CSMD1: variants seen among roughly 807,000 people sequenced by gnomAD.
CSMD1 encodes the protein CUB and sushi domain-containing protein 1.
A neutral mutation model predicts 417.5 loss-of-function variants in CSMD1; 213 were observed. The observed-to-expected ratio is 0.51, with a 90% CI of 0.46 to 0.57. The LOEUF is 0.57. Among genes scored for constraint, CSMD1 ranks in the 20% least tolerant of loss-of-function variants. The probability of loss-of-function intolerance (pLI) is 0.00; values close to 1 mark genes in which losing one functional copy is unlikely to be tolerated. For missense variants in CSMD1, 6,923 were observed against 4,529.7 expected, an observed-to-expected ratio of 1.53 and a Z score of -15.17; for synonymous variants, 2,862 against 1,736.8, an observed-to-expected ratio of 1.65 and a Z score of -16.11.
chr8:3,996,746 C>G (rs1815254141), intron 5 of CSMD1, among the ~76,000 whole-genome samples: 1 of 152,074 alleles, frequency 6.6e-6, no homozygotes, highest in African/African-American at 2.4e-5. Flanking sequence ...TTGGTTTCTT[C>G]CTCCCTCCTA....
chr8:4,528,245 C>G (rs1454310743), intron 2 of CSMD1, among the ~76,000 whole-genome samples: 1 of 152,160 alleles, frequency 6.6e-6, no homozygotes, highest in Non-Finnish European at 1.5e-5. Flanking sequence ...AATATCTAGA[C>G]AGGAGTAGCC....
At chr8:3,896,510 A>G (rs1807376548) in intron 5 of CSMD1, among the ~76,000 whole-genome samples, 1 of 151,684 alleles carries the variant, frequency 6.6e-6, no homozygotes, top group African/African-American at 2.4e-5. Flanking sequence ...TATTACTATT[A>G]TTATTATTAT....
intron 1 of CSMD1, among the ~76,000 whole-genome samples, chr8:4,934,479 T>G (rs570576790): frequency 6.6e-6 from 1 of 152,178 alleles, no homozygotes; most frequent in African/African-American, 2.4e-5. Flanking sequence ...CACTGAGTTA[T>G]AGAAAATACG....
At chr8:3,852,113 T>A (rs754671487) in intron 5 of CSMD1, among the ~76,000 whole-genome samples, 2 of 152,050 alleles carry the variant, frequency 1.3e-5, no homozygotes, top group African/African-American at 2.4e-5. Context: ...GAGGCTCAGG[T>A]TGTTGCAAAA....
intron 5 of CSMD1, among the ~76,000 whole-genome samples, chr8:3,939,969 C>T (rs370300340): frequency 3.3e-5 from 5 of 151,904 alleles, no homozygotes; most frequent in Admixed American, 2.6e-4. Flanking sequence ...AAAGAACTTA[C>T]CCATGTAACC....
rs79457817 is a variant in CSMD1 at position 4,896,087 on chromosome 8, C to G, written c.85+98245G>C. Among the ~76,000 whole-genome samples the G allele has an allele frequency of 7.3e-3, 1,117 of 152,166 alleles. 16 individuals carry two copies. Among genetic ancestry groups the G allele is most frequent in the African/African-American group, 0.026 (1,072 of 41,472 alleles). On this transcript the variant is annotated intron_variant, in intron 1 of 69. Coordinates refer to ENST00000635120, the MANE Select transcript of CSMD1 (RefSeq NM_033225.6). ...GCACTATTTAGAGGCCTTCCTCTGT[C>G]TGAAAATTTTTTTCTGCCTTCTGAA... is the stretch of plus-strand genomic sequence containing the variant.
chr8:3,103,034 A>C (rs1815871457), intron 46 of CSMD1, among the ~76,000 whole-genome samples: 1 of 152,170 alleles, frequency 6.6e-6, no homozygotes, highest in Non-Finnish European at 1.5e-5. Flanking sequence ...TCACCCCAGC[A>C]CCTGGACCCA....
In CSMD1 at chr8:2,935,435, C is replaced by G. The variant is rs1345686016; in HGVS notation, c.*3150G>C. 6.6e-6 allele frequency: 1 copy of G among 152,042 alleles called. No homozygotes were observed. Among genetic ancestry groups the G allele is most frequent in the Non-Finnish European group, 1.5e-5 (1 of 68,012 alleles). 9.4% of individuals were successfully genotyped at this position (152,042 alleles called of 1,614,324 possible). On this transcript the variant is annotated 3_prime_UTR_variant, in exon 70 of 70. Transcript: ENST00000635120. The stretch of plus-strand genomic sequence containing the variant: ...CATTGCACAGGCTATATTACACCCT[C>G]TTTATAATTTTTTTGACAAAAAAAA...
Position 3,106,479 on chromosome 8 carries a change from T to G in CSMD1, c.6949+49A>C. On this transcript the variant is annotated intron_variant, in intron 46 of 69. Coordinates refer to ENST00000635120, the MANE Select transcript of CSMD1 (RefSeq NM_033225.6). ...TGCAGACCAATACAAACAATACAAT[T>G]TTCCATGTTGAATAAGTTTATGTAG... 2.6e-6 allele frequency: 3 copies of G among 1,137,288 alleles called. No individual in the cohort carries two copies. In the South Asian group the frequency reaches 4.1e-5, roughly 16 times the overall value. The allele number at this position is 1,137,288 out of a possible 1,614,324, so 70.4% of individuals were successfully genotyped here. A position where few individuals can be genotyped will look rare whatever the true frequency, so the allele number is the denominator to read the frequency against.
intron 10 of CSMD1, among the ~76,000 whole-genome samples, chr8:3,536,266 T>G (rs1157498336): frequency 6.6e-6 from 1 of 152,234 alleles, no homozygotes; most frequent in African/African-American, 2.4e-5. Context: ...AATAAGTTTG[T>G]GTGTATGACA....
chr8:4,616,889 C>T (rs892765623), intron 2 of CSMD1, among the ~76,000 whole-genome samples: 1 of 152,116 alleles, frequency 6.6e-6, no homozygotes, highest in Admixed American at 6.6e-5. Flanking sequence ...GTTTGTTTTA[C>T]TCTTGCATTG....
chr8:3,667,389 G>C (rs1205662639), intron 7 of CSMD1, among the ~76,000 whole-genome samples: 1 of 152,140 alleles, frequency 6.6e-6, no homozygotes, highest in Non-Finnish European at 1.5e-5. Flanking sequence ...TCTCGGAGGA[G>C]TGAAAATTGA....
At chr8:4,221,943 A>G (rs1311464630) in intron 3 of CSMD1, among the ~76,000 whole-genome samples, 1 of 152,136 alleles carries the variant, frequency 6.6e-6, no homozygotes, top group East Asian at 1.9e-4. Context: ...AACCAGTAAC[A>G]ACACTGTCCA....
At chr8:4,396,871 G>T (rs1013244852) in intron 3 of CSMD1, among the ~76,000 whole-genome samples, 1 of 151,990 alleles carries the variant, frequency 6.6e-6, no homozygotes, top group Non-Finnish European at 1.5e-5. Context: ...CAACTTTCAG[G>T]ACTAGGGGGA....
At chr8:3,349,801 A>ATATG (rs200060737) in intron 21 of CSMD1, among the ~76,000 whole-genome samples, 3 of 142,714 alleles carry the variant, frequency 2.1e-5, no homozygotes, top group Non-Finnish European at 4.5e-5. Context: ...ATATCTATAA[A>ATATG]TAGATATAAA....
chr8:3,112,384 G>A (rs538943329), intron 42 of CSMD1, among the ~76,000 whole-genome samples: 2 of 152,074 alleles, frequency 1.3e-5, no homozygotes, highest in African/African-American at 4.8e-5. Flanking sequence ...ATATATAGTA[G>A]CACCCTTCCT....
intron 10 of CSMD1, among the ~76,000 whole-genome samples, chr8:3,523,790 T>TGCACACACATGCACACACAC (rs796600569): frequency 0.031 from 3,821 of 122,156 alleles, 145 homozygotes; most frequent in African/African-American, 0.11. Context: ...CCCAGAGACA[T>TGCACACACATGCACACACAC]ATGCACACAT....
intron 26 of CSMD1, among the ~76,000 whole-genome samples, chr8:3,270,758 T>C (rs559676317): frequency 2.0e-4 from 30 of 152,264 alleles, no homozygotes; most frequent in Non-Finnish European, 4.1e-4. Context: ...CTTTGCTATT[T>C]GTATTAGTCT....
chr8:4,344,738 A>C (rs1053659976), intron 3 of CSMD1, among the ~76,000 whole-genome samples: 1 of 152,122 alleles, frequency 6.6e-6, no homozygotes, highest in Admixed American at 6.6e-5. Flanking sequence ...AAGAATATAA[A>C]AGTTGCCATT....
Sources: gnomAD v4.1 joint callset for allele counts (sites outside exome capture counted in the v4.1 genomes callset) on GRCh38, gnomAD v4.1.1 for gene constraint, MANE v1.5 for transcripts, NCBI Gene and HGNC (gene_info 2026-07-23, HGNC 2026-07-21) for gene names.